Variants in RNF38 observed in about 807,000 individuals in gnomAD.
The protein encoded by RNF38 is ring finger protein 38.
In RNF38, 15 loss-of-function variants were observed where a neutral mutation model predicts 67.2. The observed-to-expected ratio is 0.22, with a 90% confidence interval of 0.15 to 0.34. The LOEUF is 0.34. Among genes scored for constraint, RNF38 ranks in the 10% least tolerant of loss-of-function variants. RNF38 has a pLI of 1.00. For synonymous variants in RNF38, 220 were observed against 218.8 expected (o/e 1.01, Z -0.05); for missense variants, 524 against 639.9 (o/e 0.82, Z 1.95).
chr9:36,412,274 G>A (rs1231860624), intron 2 of RNF38, among the ~76,000 whole-genome samples: 1 of 152,156 alleles, frequency 6.6e-6, no homozygotes, highest in Non-Finnish European at 1.5e-5. Context: ...CGGCTTTAGG[G>A]ATTTTGCACT....
intron 1 of RNF38, among the ~76,000 whole-genome samples, chr9:36,450,865 G>T (rs1014677974): frequency 6.6e-6 from 1 of 152,114 alleles, no homozygotes; most frequent in Admixed American, 6.5e-5. Context: ...GGTAAGCCGA[G>T]ATCGTGCCAT....
At chr9:36,422,262 A>C (rs1838648244) in intron 2 of RNF38, among the ~76,000 whole-genome samples, 1 of 151,872 alleles carries the variant, frequency 6.6e-6, no homozygotes, top group Non-Finnish European at 1.5e-5. Flanking sequence ...AACAAACATA[A>C]AAATGCAAAA....
chr9:36,397,106 T>G (rs865934714), intron 1 of RNF38, among the ~76,000 whole-genome samples: 1,162 of 44,920 alleles, frequency 0.026, 16 homozygotes, highest in African/African-American at 0.096. Context: ...TATGTTTTGT[T>G]TTTTTTTTTT....
chr9:36,487,114 G>C (rs1840433450), intron 1 of RNF38, among the ~76,000 whole-genome samples: 1 of 152,226 alleles, frequency 6.6e-6, no homozygotes, highest in South Asian at 2.1e-4. Flanking sequence ...TACCCACCGG[G>C]TGGGAAAACG....
chr9:36,462,223 G>A (rs1361672401), intron 1 of RNF38, among the ~76,000 whole-genome samples: 2 of 152,146 alleles, frequency 1.3e-5, no homozygotes, highest in Non-Finnish European at 1.5e-5. Flanking sequence ...AAAGGATTAA[G>A]TCAAAGAGGG....
intron 1 of RNF38, among the ~76,000 whole-genome samples, chr9:36,468,228 C>G (rs1459475629): frequency 7.4e-6 from 1 of 134,880 alleles, no homozygotes; most frequent in Non-Finnish European, 1.6e-5. Context: ...CTGGGCAGAG[C>G]AATGTTCTGT....
intron 1 of RNF38, among the ~76,000 whole-genome samples, chr9:36,479,123 A>G (rs1180498105): frequency 6.6e-6 from 1 of 152,148 alleles, no homozygotes; most frequent in Non-Finnish European, 1.5e-5. Context: ...CACTTTTGGT[A>G]CTGTCTCCAG....
At chr9:36,470,398 A>G (rs560062636) in intron 1 of RNF38, among the ~76,000 whole-genome samples, 53 of 152,296 alleles carry the variant, frequency 3.5e-4, no homozygotes, top group African/African-American at 1.2e-3. Context: ...GGGGAGGCCC[A>G]CTGAAAGAGC....
At chr9:36,368,459 C>T (rs1234866257) in intron 4 of RNF38, among the ~76,000 whole-genome samples, 1 of 152,128 alleles carries the variant, frequency 6.6e-6, no homozygotes, top group Non-Finnish European at 1.5e-5. Flanking sequence ...TCACATAGTC[C>T]TATATACATA....
chr9:36,342,293 T>C (rs759476669), intron 11 of RNF38, 32 bp downstream of exon 11: 10 of 1,431,528 alleles, frequency 7.0e-6, no homozygotes, highest in African/African-American at 1.4e-5. Flanking sequence ...GAAAATTCAA[T>C]GTCATTTCCT....
upstream of RNF38, among the ~76,000 whole-genome samples, chr9:36,405,117 A>T (rs1838146374): frequency 1.3e-5 from 2 of 152,140 alleles, no homozygotes; most frequent in South Asian, 4.1e-4. Flanking sequence ...ACTACAAAAA[A>T]TTAGCCAGGC....
upstream of RNF38, among the ~76,000 whole-genome samples, chr9:36,403,529 T>TA (rs1314917529): frequency 6.6e-6 from 1 of 152,196 alleles, no homozygotes; most frequent in African/African-American, 2.4e-5. Flanking sequence ...AGGCTCCCTT[T>TA]AAAAAACTGG....
At chr9:36,427,990 G>A (rs756937417) in intron 1 of RNF38, among the ~76,000 whole-genome samples, 111 of 151,382 alleles carry the variant, frequency 7.3e-4, no homozygotes, top group Non-Finnish European at 1.4e-3. Context: ...GATTACAGGC[G>A]TTAGCCACTG....
At chr9:36,389,449 A>G (rs1450061022) in intron 2 of RNF38, among the ~76,000 whole-genome samples, 1 of 152,146 alleles carries the variant, frequency 6.6e-6, no homozygotes, top group Non-Finnish European at 1.5e-5. Flanking sequence ...GTTAGATTGG[A>G]GCCCCTTCTC....
At chr9:36,369,270 C>T (rs935176967) in intron 4 of RNF38, among the ~76,000 whole-genome samples, 4 of 152,180 alleles carry the variant, frequency 2.6e-5, no homozygotes, top group Admixed American at 2.6e-4. Context: ...GACGAAGTCT[C>T]GTTCTGCCAC....
At chr9:36,353,906 C>T (rs763224153) in intron 6 of RNF38, among the ~76,000 whole-genome samples, 1 of 152,132 alleles carries the variant, frequency 6.6e-6, no homozygotes, top group South Asian at 2.1e-4. Flanking sequence ...ATAAAACCGG[C>T]ATGCTCAGAG....
intron 1 of RNF38, among the ~76,000 whole-genome samples, chr9:36,465,048 G>C (rs566932992): frequency 6.6e-5 from 10 of 152,244 alleles, no homozygotes; most frequent in African/African-American, 2.4e-4. Context: ...ATCAAAACTA[G>C]AAGGAGATAC....
intron 1 of RNF38, among the ~76,000 whole-genome samples, chr9:36,461,315 A>G (rs1173648389): frequency 6.6e-6 from 1 of 152,190 alleles, no homozygotes; most frequent in African/African-American, 2.4e-5. Flanking sequence ...GAAAAAGAAA[A>G]CCAGAATACA....
chr9:36,465,733 C>A (rs1456543502), intron 1 of RNF38, among the ~76,000 whole-genome samples: 1 of 152,122 alleles, frequency 6.6e-6, no homozygotes, highest in East Asian at 1.9e-4. Flanking sequence ...TACACCTATA[C>A]AACTAATATT....
Sources: allele counts gnomAD v4.1 joint callset (sites outside exome capture counted in the v4.1 genomes callset), GRCh38; gene constraint gnomAD v4.1.1; transcripts MANE v1.5; gene names NCBI Gene and HGNC (gene_info 2026-07-23, HGNC 2026-07-21).